MTMR11: variants seen among roughly 807,000 people sequenced by gnomAD.
MTMR11 encodes myotubularin-related protein 11.
In MTMR11, 89 loss-of-function variants were observed where a neutral mutation model predicts 100.0. That is an observed-to-expected ratio of 0.89 (90% CI 0.75 to 1.06). The LOEUF is 1.06. Among genes scored for constraint, MTMR11 ranks in the 50% least tolerant of loss-of-function variants. MTMR11 has a pLI of 0.00. For synonymous variants in MTMR11, 336 were observed against 326.3 expected (o/e 1.03, Z -0.32); for missense variants, 809 against 873.7 (o/e 0.93, Z 0.93).
Position 149,932,284 on chromosome 1 carries a change from T to G in MTMR11, c.1032A>C (p.Thr344=). 1 of 1,614,134 alleles carries G rather than the reference T, an allele frequency of 6.2e-7. No homozygotes were observed. The highest frequency in any genetic ancestry group is 8.5e-7 in the Non-Finnish European group (1 of 1,179,932). ...EDKWLSALEG[T]RWLDYVRACL... is the part of the protein sequence containing the mutation. ...AGTACCTGACATAGTCCAGCCATCG[T>G]GTTCCTTCCAGGGCTGAAAGCCATT... Residue 344 remains threonine, a synonymous_variant, in exon 11 of 17, where the codon ACA becomes ACC. Coordinates refer to ENST00000439741, the MANE Select transcript of MTMR11 (RefSeq NM_001145862.2).
chr1:149,934,344 C>G lies in MTMR11; in HGVS notation c.548-18G>C, dbSNP rs369386692. ...ACCCTGGCCTAGAACAGGAGTGAGA[C>G]ATAGAGGAGGAAGGAGAAAATCAGA... On this transcript the variant is annotated intron_variant, in intron 6 of 16. Transcript: ENST00000439741. 12 of 1,614,134 alleles carry G rather than the reference C, an allele frequency of 7.4e-6. No homozygotes were observed. The highest frequency in any genetic ancestry group is 1.0e-5 in the Non-Finnish European group (12 of 1,179,972).
At chr1:149,930,575 G>A (rs782522337) in intron 14 of MTMR11, 28 bp from the exon 15 acceptor site, 4 of 1,559,244 alleles carry the variant, frequency 2.6e-6, no homozygotes, top group Admixed American at 1.7e-5. Flanking sequence ...GAAAAAGGAT[G>A]GTTACACACA....
chr1:149,933,388 G>A lies in MTMR11; in HGVS notation c.985+18C>T. 4 of 1,613,930 alleles carry A rather than the reference G, an allele frequency of 2.5e-6. No homozygotes were observed. Among genetic ancestry groups the A allele is most frequent in the Non-Finnish European group, 3.4e-6 (4 of 1,179,914 alleles). ...CTAGGGGTGAGGGTGAGGGTTAGGG[G>A]TCAAAGGTTATTCTCACCAGGCAGG... On this transcript the variant is annotated intron_variant, in intron 10 of 16. Transcript: ENST00000439741.
Position 149,936,667 on chromosome 1 carries a change from G to A in MTMR11, c.-20C>T, listed in dbSNP as rs1013433519. ...CCACATTTCTCTGGCTCCATCCGGG[G>A]ACACAGCAGTTAAGGGTGGGAAACC... On this transcript the variant is annotated 5_prime_UTR_variant, in exon 1 of 17. Transcript: ENST00000439741. The A allele has an allele frequency of 6.6e-7, 1 of 1,514,142 alleles. No individual in the cohort carries two copies. Among genetic ancestry groups the A allele is most frequent in the East Asian group, 2.5e-5 (1 of 40,700 alleles). The allele number at this position is 1,514,142 out of a possible 1,614,324, so 93.8% of individuals were successfully genotyped here.
rs782651010 is a variant in MTMR11 at position 149,930,882 on chromosome 1, G to A, written c.1374C>T (p.Phe458=). The change falls in exon 14 of 17, where the codon TTC becomes TTT. Residue 458 remains phenylalanine (F), a synonymous_variant. Transcript: ENST00000439741. ...FPADFEFSEF[F]LLALHDSVRV... ...TGACACTGTCATGAAGAGCAAGAAG[G>A]AAAAACTCAGAGAATTCAAAATCAG... is the stretch of plus-strand genomic sequence containing the variant. 6.2e-7 allele frequency: 1 copy of A among 1,613,410 alleles called. No homozygotes were observed. Among genetic ancestry groups the A allele is most frequent in the East Asian group, 2.2e-5 (1 of 44,842 alleles).
rs1405088836 is a variant in MTMR11, at chr1:149,929,686, C to T, written c.1878G>A (p.Gly626=). 1.2e-6 allele frequency: 2 copies of T among 1,613,946 alleles called. No homozygotes were observed. Among genetic ancestry groups the T allele is most frequent in the Non-Finnish European group, 1.7e-6 (2 of 1,180,020 alleles). Residue 626 remains glycine (G), a synonymous_variant, in exon 16 of 17, where the codon GGG becomes GGA. Transcript: ENST00000439741. The part of the protein sequence containing the change: ...CPLPPGLLLP[G]YLGPQIRLWR... Reference sequence around the variant, plus strand: ...AGAGCCTGATCTGGGGTCCCAGATACCCAGGCAGCAGCAGCCCTGGAGGTA... The same window carrying T: ...AGAGCCTGATCTGGGGTCCCAGATATCCAGGCAGCAGCAGCCCTGGAGGTA...
intron 4 of MTMR11, 43 bp from the exon 5 acceptor site, chr1:149,935,171 T>A: frequency 6.2e-7 from 1 of 1,611,958 alleles, no homozygotes; most frequent in Non-Finnish European, 8.5e-7. Flanking sequence ...TGGACCAGAG[T>A]CTCTCCAGAA....
chr1:149,934,597 G>A (rs1391178884), intron 5 of MTMR11, 71 bp from the exon 6 acceptor site: 3 of 1,439,572 alleles, frequency 2.1e-6, no homozygotes, highest in African/African-American at 2.8e-5. Context: ...TGGAGCCCAT[G>A]TGTTGCTCCA....
chr1:149,930,214 G>T, intron 15 of MTMR11, 151 bp downstream of exon 15: 2 of 838,362 alleles, frequency 2.4e-6, no homozygotes, highest in Non-Finnish European at 1.9e-6. Context: ...GTCTTCCTAG[G>T]GACACCCAGG....
chr1:149,931,880 C>G, intron 12 of MTMR11, 64 bp downstream of exon 12: 1 of 1,432,522 alleles, frequency 7.0e-7, no homozygotes, highest in Non-Finnish European at 9.8e-7. Context: ...TCCCTGAATG[C>G]AATCTGGTCA....
chr1:149,930,815 C>G lies in MTMR11; in HGVS notation c.1441G>C (p.Glu481Gln), dbSNP rs1553767373. 1 of 1,590,306 alleles carries G rather than the reference C, an allele frequency of 6.3e-7. No individual in the cohort carries two copies. Among genetic ancestry groups the G allele is most frequent in the African/African-American group, 1.4e-5 (1 of 73,462 alleles). ...TLTFLRNTPW[E>Q]RGKQSGQLNS... Reference sequence around the variant, plus strand: ...ACCTGTCCGCTCTGCTTTCCGCGCTCCCAGGGGGTATTTCTCAGGAAGGTA... The same window carrying G: ...ACCTGTCCGCTCTGCTTTCCGCGCTGCCAGGGGGTATTTCTCAGGAAGGTA... The change falls in exon 14 of 17, where the codon GAG (glutamate) becomes CAG (glutamine). Residue 481 changes from glutamate (E) to glutamine (Q), a missense_variant. Glu to Gln is a conservative substitution (Grantham distance 29). Coordinates refer to ENST00000439741, the MANE Select transcript of MTMR11 (RefSeq NM_001145862.2).
intron 14 of MTMR11, 92 bp downstream of exon 14, chr1:149,930,700 A>C: frequency 7.3e-7 from 1 of 1,372,544 alleles, no homozygotes; most frequent in Non-Finnish European, 9.9e-7. Flanking sequence ...CCACTCACAG[A>C]CCTCACTTCT....
At chr1:149,931,088 C>CT in intron 13 of MTMR11, 123 bp from the exon 14 acceptor site, 1 of 1,347,490 alleles carries the variant, frequency 7.4e-7, no homozygotes. Context: ...GAATGAAAAT[C>CT]TGAATTGAGG....
intron 12 of MTMR11, 102 bp downstream of exon 12, chr1:149,931,842 G>A: frequency 9.7e-7 from 1 of 1,031,610 alleles, no homozygotes; most frequent in Non-Finnish European, 1.5e-6. Flanking sequence ...CCCAGGAACA[G>A]GAGAGGAAGA....
At position 149,929,033 on chromosome 1, in the gene MTMR11, C is replaced by T. The variant is rs2092618357; in HGVS notation, c.*96G>A. The T allele has an allele frequency of 6.3e-7, 1 of 1,594,682 alleles. No individual in the cohort carries two copies. Among genetic ancestry groups the T allele is most frequent in the Non-Finnish European group, 8.5e-7 (1 of 1,169,664 alleles). On this transcript the variant is annotated 3_prime_UTR_variant, in exon 17 of 17. Transcript: ENST00000439741. The stretch of plus-strand genomic sequence containing the variant: ...AACACCACTATCTGCAGCAGAAACT[C>T]AGACCTTCTTAGTGAACTTAAGGGC...
chr1:149,936,815 G>C lies in MTMR11; in HGVS notation c.-168C>G. Reference sequence around the variant, plus strand: ...TTTGACGTGCACGGAGCAGAGTTTGGGGGTCCTTGGAAAGGTGTGTCCAGC... The same window carrying C: ...TTTGACGTGCACGGAGCAGAGTTTGCGGGTCCTTGGAAAGGTGTGTCCAGC... On this transcript the variant is annotated 5_prime_UTR_variant, in exon 1 of 17. Coordinates refer to ENST00000439741, the MANE Select transcript of MTMR11 (RefSeq NM_001145862.2). 1.6e-6 allele frequency: 1 copy of C among 627,140 alleles called. No homozygotes were observed. Among genetic ancestry groups the C allele is most frequent in the Non-Finnish European group, 2.8e-6 (1 of 355,772 alleles). The allele number at this position is 627,140 out of a possible 1,614,324, so 38.8% of individuals were successfully genotyped here.
At chr1:149,931,176 C>A in intron 13 of MTMR11, 84 bp downstream of exon 13, 1 of 1,571,516 alleles carries the variant, frequency 6.4e-7, no homozygotes, top group South Asian at 1.2e-5. Context: ...ACCGGATTCA[C>A]CTCCAATGGA....
In MTMR11 at chr1:149,935,711, G is replaced by A. The variant is rs2092712865; in HGVS notation, c.143-6C>T. 1.3e-6 allele frequency: 2 copies of A among 1,588,456 alleles called. No homozygotes were observed. Among genetic ancestry groups the A allele is most frequent in the African/African-American group, 1.4e-5 (1 of 73,996 alleles). On this transcript the variant is annotated splice_polypyrimidine_tract_variant and splice_region_variant and intron_variant, in intron 2 of 16. Coordinates refer to ENST00000439741, the MANE Select transcript of MTMR11 (RefSeq NM_001145862.2). ...CCATGCTAGGATCTGCTCCCCTAAA[G>A]GGGAAGAAGGGAAGCCCTGTTATGA... is the stretch of plus-strand genomic sequence containing the variant.
intron 14 of MTMR11, 86 bp downstream of exon 14, chr1:149,930,706 C>G (rs1159705044): frequency 6.3e-6 from 9 of 1,438,020 alleles, no homozygotes; most frequent in Non-Finnish European, 7.5e-6. Flanking sequence ...ACAGACCTCA[C>G]TTCTCATAAA....
Sources: allele counts gnomAD v4.1 joint callset, GRCh38; gene constraint gnomAD v4.1.1; transcripts MANE v1.5; gene names NCBI Gene and HGNC (gene_info 2026-07-23, HGNC 2026-07-21).